EPB41L1: variants seen among roughly 807,000 people sequenced by gnomAD.
The protein encoded by EPB41L1 is band 4.1-like protein 1.
In EPB41L1, 29 loss-of-function variants were observed where a neutral mutation model predicts 97.8. That is an observed-to-expected ratio of 0.30 (90% CI 0.22 to 0.40). The LOEUF (loss-of-function observed/expected upper bound fraction) is 0.40. EPB41L1 is among the 10% of genes least tolerant of loss of function. The probability of loss-of-function intolerance (pLI) is 1.00; values close to 1 mark genes in which losing one functional copy is unlikely to be tolerated. For missense variants in EPB41L1, 812 were observed against 1,162.3 expected (o/e 0.70, Z 4.38); for synonymous variants, 383 against 459.2 (o/e 0.83, Z 2.12).
At chr20:36,173,739 C>T (rs371069159) in intron 1 of EPB41L1, 25 bp from the exon 2 acceptor site, 1 of 1,610,882 alleles carries the variant, frequency 6.2e-7, no homozygotes, top group Non-Finnish European at 8.5e-7. Context: ...CTCCCTGTCA[C>T]ATGATCTCCT....
At chr20:36,119,946 T>C (rs967244654) in intron 2 of EPB41L1, among the ~76,000 whole-genome samples, 2 of 152,154 alleles carry the variant, frequency 1.3e-5, no homozygotes, top group African/African-American at 4.8e-5. Flanking sequence ...ACGGTGAGCC[T>C]GATAGAGGTG....
At chr20:36,110,190 C>A (rs1569029009) in intron 1 of EPB41L1, among the ~76,000 whole-genome samples, 1 of 152,224 alleles carries the variant, frequency 6.6e-6, no homozygotes, top group South Asian at 2.1e-4. Context: ...ATCCGCCCGC[C>A]TCGGCCTCCC....
intron 1 of EPB41L1, among the ~76,000 whole-genome samples, chr20:36,098,192 G>A (rs377067560): frequency 1.2e-3 from 189 of 152,304 alleles, no homozygotes; most frequent in African/African-American, 4.3e-3. Context: ...CAGGAGAGGT[G>A]AGAGTGACTT....
chr20:36,136,351 T>TC (rs1290800859), intron 2 of EPB41L1, among the ~76,000 whole-genome samples: 1 of 150,192 alleles, frequency 6.7e-6, no homozygotes, highest in East Asian at 2.0e-4. Context: ...TTTTTTTTTT[T>TC]TTTTTTTTTG....
At chr20:36,150,567 A>G (rs1017342762), upstream of EPB41L1, 1 of 152,204 alleles carries the variant, frequency 6.6e-6, no homozygotes, top group Non-Finnish European at 1.5e-5. Flanking sequence ...CATACCTGTC[A>G]GTCATATTCC....
intron 2 of EPB41L1, among the ~76,000 whole-genome samples, chr20:36,134,691 T>TG (rs972855448): frequency 1.3e-5 from 2 of 152,138 alleles, no homozygotes; most frequent in Non-Finnish European, 2.9e-5. Flanking sequence ...CTGCCCAGCC[T>TG]GGGCTATTAG....
intron 1 of EPB41L1, among the ~76,000 whole-genome samples, chr20:36,173,010 C>T (rs6060842): frequency 0.074 from 11,253 of 152,236 alleles, 534 homozygotes; most frequent in East Asian, 0.13. Context: ...CCTTGACTCT[C>T]TGAAATCTCC....
chr20:36,227,694 C>T (rs565910227), intron 21 of EPB41L1, among the ~76,000 whole-genome samples: 3 of 152,342 alleles, frequency 2.0e-5, no homozygotes, highest in Middle Eastern at 3.4e-3. Context: ...ATCTTCTGTT[C>T]CTTCTGCAAA....
intron 21 of EPB41L1, among the ~76,000 whole-genome samples, chr20:36,222,681 A>C (rs755939144): frequency 1.2e-4 from 18 of 152,182 alleles, no homozygotes; most frequent in Middle Eastern, 3.4e-3. Context: ...AAAGGGAGGG[A>C]AATGGAGAGA....
intron 2 of EPB41L1, among the ~76,000 whole-genome samples, chr20:36,138,915 ACT>A (rs1305972305): frequency 1.3e-5 from 2 of 149,838 alleles, no homozygotes; most frequent in African/African-American, 5.0e-5. Context: ...GTGTGTGTTC[ACT>A]CTCTCTGGAA....
At position 36,126,459 on chromosome 20, in the gene EPB41L1, C is replaced by T. The variant is rs529585222; in HGVS notation, c.-10+13979C>T. Among the ~76,000 whole-genome samples the T allele has an allele frequency of 4.6e-5, 7 of 151,816 alleles. No individual in the cohort carries two copies. In the East Asian group the frequency reaches 9.7e-4, roughly 21 times the overall value. On this transcript the variant is annotated intron_variant, in intron 2 of 19. Transcript: ENST00000202028. ...TCGGCTCACTGCAACCTCTGCCTCC[C>T]GGGTTCAAGCGATTCTCCTAACTCA...
intron 1 of EPB41L1, among the ~76,000 whole-genome samples, chr20:36,169,323 G>A (rs939401120): frequency 6.6e-6 from 1 of 152,126 alleles, no homozygotes; most frequent in African/African-American, 2.4e-5. Flanking sequence ...TTGGATCTGG[G>A]TCTGCCTGAC....
upstream of EPB41L1, chr20:36,152,831 G>A (rs2060108616): frequency 7.3e-5 from 27 of 369,974 alleles, no homozygotes; most frequent in South Asian, 5.4e-4. Flanking sequence ...CTGGGAAAAA[G>A]TGAATTTGAA....
chr20:36,155,735 C>T (rs2145517340), intron 1 of EPB41L1: 1 of 432,924 alleles, frequency 2.3e-6, no homozygotes, highest in African/African-American at 2.0e-5. Flanking sequence ...GTTGCTTTTC[C>T]CTCGGAGCTC....
intron 2 of EPB41L1, among the ~76,000 whole-genome samples, chr20:36,128,425 G>T (rs1323800188): frequency 1.3e-5 from 2 of 152,186 alleles, no homozygotes; most frequent in Non-Finnish European, 2.9e-5. Context: ...TTGGCCTTGG[G>T]TGGATGGGGG....
At chr20:36,116,366 A>G (rs1375328151) in intron 2 of EPB41L1, among the ~76,000 whole-genome samples, 1 of 152,158 alleles carries the variant, frequency 6.6e-6, no homozygotes, top group Non-Finnish European at 1.5e-5. Context: ...CTGTGCTTTC[A>G]GGCCCCACAG....
intron 2 of EPB41L1, among the ~76,000 whole-genome samples, chr20:36,115,840 C>T (rs959910364): frequency 1.3e-5 from 2 of 152,072 alleles, no homozygotes; most frequent in African/African-American, 2.4e-5. Context: ...TGCAGTGAGT[C>T]GCAATCGTAT....
chr20:36,113,408 TTGTGTGTGTGTGTGTGTGTGTGTG>T (rs3057822), intron 2 of EPB41L1, among the ~76,000 whole-genome samples: 15,065 of 143,566 alleles, frequency 0.1, 968 homozygotes, highest in Non-Finnish European at 0.15. Flanking sequence ...AACTTTCCAT[TTGTGTGTGTGTGTGTGTGTGTGTG>T]TGTGTGTGTG....
intron 16 of EPB41L1, among the ~76,000 whole-genome samples, chr20:36,213,767 A>G (rs1163215353): frequency 1.3e-5 from 2 of 152,368 alleles, no homozygotes; most frequent in East Asian, 3.9e-4. Flanking sequence ...AATATCACCC[A>G]GAAAAAAATA....
Sources: allele counts gnomAD v4.1 joint callset (sites outside exome capture counted in the v4.1 genomes callset), GRCh38; gene constraint gnomAD v4.1.1; transcripts MANE v1.5; gene names NCBI Gene and HGNC (gene_info 2026-07-23, HGNC 2026-07-21).